The following PCSK2 variants were observed in gnomAD, a reference collection of about 807,000 sequenced individuals.
PCSK2 encodes the protein neuroendocrine convertase 2.
PCSK2 carries 14 observed loss-of-function variants against 69.7 expected under a neutral mutation model. The observed-to-expected ratio is 0.20, with a 90% confidence interval of 0.13 to 0.31. The LOEUF (loss-of-function observed/expected upper bound fraction) is 0.31, where lower values mean the gene tolerates loss of function less well. Among genes scored for constraint, PCSK2 ranks in the 10% least tolerant of loss-of-function variants. The pLI is 1.00. For synonymous variants in PCSK2, 307 were observed against 320.7 expected (o/e 0.96, Z 0.46); for missense variants, 544 against 842.5 (o/e 0.65, Z 4.39).
chr20:17,392,254 T>G (rs1447724975), intron 5 of PCSK2, among the ~76,000 whole-genome samples: 1 of 152,146 alleles, frequency 6.6e-6, no homozygotes, highest in Non-Finnish European at 1.5e-5. Context: ...TGCTGACAAG[T>G]CAGGAAGAAC....
rs145646996 is a variant in PCSK2, at chr20:17,474,250, G to T, written c.1431-7334G>T. 1.8e-3 allele frequency among the ~76,000 whole-genome samples: 279 copies of T among 152,266 alleles called. 1 individual carries two copies. Among genetic ancestry groups the T allele is most frequent in the Middle Eastern group, 6.8e-3 (2 of 294 alleles). The stretch of plus-strand genomic sequence containing the variant: ...GGCTATGGAAACCTGGCTGAAATAA[G>T]AATACATAAAACCCATGCTCCTGCC... On this transcript the variant is annotated intron_variant, in intron 11 of 11. Transcript: ENST00000262545.
At chr20:17,425,835 T>C (rs946609861) in intron 6 of PCSK2, among the ~76,000 whole-genome samples, 2 of 152,120 alleles carry the variant, frequency 1.3e-5, no homozygotes, top group Non-Finnish European at 2.9e-5. Flanking sequence ...AGTGAATAAT[T>C]GCCCAAGGGT....
At chr20:17,317,564 T>C (rs1228669991) in intron 2 of PCSK2, among the ~76,000 whole-genome samples, 1 of 152,194 alleles carries the variant, frequency 6.6e-6, no homozygotes, top group African/African-American at 2.4e-5. Context: ...GACGTGTTTT[T>C]CTTTTACTAA....
chr20:17,350,602 C>A (rs915333805), intron 2 of PCSK2, among the ~76,000 whole-genome samples: 1 of 152,046 alleles, frequency 6.6e-6, no homozygotes, highest in Non-Finnish European at 1.5e-5. Context: ...TGTTATGTGC[C>A]CATAGGGAGA....
At chr20:17,338,182 G>GC in intron 2 of PCSK2, among the ~76,000 whole-genome samples, 1 of 137,348 alleles carries the variant, frequency 7.3e-6, no homozygotes, top group Non-Finnish European at 1.6e-5. Flanking sequence ...GGGGGGGGGG[G>GC]TTGTGTTTTT....
intron 5 of PCSK2, among the ~76,000 whole-genome samples, chr20:17,376,777 T>C (rs2030940168): frequency 1.3e-5 from 2 of 152,260 alleles, no homozygotes; most frequent in Non-Finnish European, 2.9e-5. Context: ...AGGAAGTGTG[T>C]ACTTTGTAAG....
intron 8 of PCSK2, among the ~76,000 whole-genome samples, chr20:17,447,070 T>C (rs1020340183): frequency 2.0e-5 from 3 of 150,656 alleles, no homozygotes; most frequent in African/African-American, 4.9e-5. Flanking sequence ...CTGGCCAACA[T>C]GGTGAAACTC....
rs555830365 is a variant in PCSK2 at position 17,480,217 on chromosome 20, T to G, written c.1431-1367T>G. Among the ~76,000 whole-genome samples the G allele has an allele frequency of 1.5e-3, 188 of 125,574 alleles. 2 individuals carry two copies. The highest frequency in any genetic ancestry group is 1.6e-3 in the Non-Finnish European group (99 of 61,610). The allele number at this position is 125,574 out of a possible 152,430, so 82.4% of individuals were successfully genotyped here. ...TTTTTTTTTTTTTTTTGAGGCAGAGTCTCGCTCTGTCACCCAGGCTGGAGT... is the reference window on the plus strand; with the variant it reads ...TTTTTTTTTTTTTTTTGAGGCAGAGGCTCGCTCTGTCACCCAGGCTGGAGT... On this transcript the variant is annotated intron_variant, in intron 11 of 11. Transcript: ENST00000262545.
intron 4 of PCSK2, among the ~76,000 whole-genome samples, chr20:17,364,414 A>G (rs930480952): frequency 1.3e-5 from 2 of 152,200 alleles, no homozygotes; most frequent in African/African-American, 4.8e-5. Context: ...GGTAATTTAT[A>G]AAGAAAAAGA....
chr20:17,454,840 C>T (rs915913386), intron 9 of PCSK2, among the ~76,000 whole-genome samples: 4 of 152,200 alleles, frequency 2.6e-5, no homozygotes, highest in Non-Finnish European at 5.9e-5. Context: ...TTCGATCCCA[C>T]GCTCCCACGT....
chr20:17,314,740 CCTTT>C (rs1989625783), intron 2 of PCSK2, among the ~76,000 whole-genome samples: 1 of 152,118 alleles, frequency 6.6e-6, no homozygotes, highest in Non-Finnish European at 1.5e-5. Flanking sequence ...TTTTTAAGAT[CCTTT>C]CTATTTCTTT....
chr20:17,412,588 C>T (rs140192527), intron 6 of PCSK2, among the ~76,000 whole-genome samples: 1 of 152,166 alleles, frequency 6.6e-6, no homozygotes, highest in Non-Finnish European at 1.5e-5. Context: ...GAGAATGGAA[C>T]CAAGTTGGAA....
At chr20:17,327,007 C>T (rs1282816802) in intron 2 of PCSK2, among the ~76,000 whole-genome samples, 1 of 152,218 alleles carries the variant, frequency 6.6e-6, no homozygotes, top group African/African-American at 2.4e-5. Context: ...GTCTTCTCAT[C>T]CTCCCCCTTC....
intron 5 of PCSK2, among the ~76,000 whole-genome samples, chr20:17,394,233 G>A (rs16999077): frequency 0.015 from 2,254 of 152,264 alleles, 59 homozygotes; most frequent in African/African-American, 0.052. Flanking sequence ...CTCTTATAAT[G>A]TCAAATGATA....
intron 5 of PCSK2, among the ~76,000 whole-genome samples, chr20:17,387,743 C>G (rs1414160077): frequency 6.6e-6 from 1 of 152,138 alleles, no homozygotes. Context: ...TATCAGGAAG[C>G]AAGAATCCCT....
At chr20:17,324,792 G>T (rs542765221) in intron 2 of PCSK2, among the ~76,000 whole-genome samples, 1 of 152,242 alleles carries the variant, frequency 6.6e-6, no homozygotes, top group South Asian at 2.1e-4. Flanking sequence ...ATGGAGAAAG[G>T]TCTCTTCCCC....
At chr20:17,244,439 T>G (rs938117110) in intron 1 of PCSK2, among the ~76,000 whole-genome samples, 3 of 152,198 alleles carry the variant, frequency 2.0e-5, no homozygotes, top group African/African-American at 7.2e-5. Flanking sequence ...TTCAACTTTT[T>G]GAACCTCATT....
chr20:17,410,371 T>C (rs1385668593), intron 6 of PCSK2, among the ~76,000 whole-genome samples: 6 of 152,212 alleles, frequency 3.9e-5, no homozygotes, highest in Non-Finnish European at 7.3e-5. Flanking sequence ...CAGAATATGT[T>C]CAAGGGTAGA....
At chr20:17,333,337 A>G (rs1361356209) in intron 2 of PCSK2, among the ~76,000 whole-genome samples, 1 of 152,218 alleles carries the variant, frequency 6.6e-6, no homozygotes, top group Non-Finnish European at 1.5e-5. Context: ...TTAAAAGTTT[A>G]CAAAGAAAAA....
Sources: allele counts gnomAD v4.1 joint callset (sites outside exome capture counted in the v4.1 genomes callset), GRCh38; gene constraint gnomAD v4.1.1; transcripts MANE v1.5; gene names NCBI Gene and HGNC (gene_info 2026-07-23, HGNC 2026-07-21).